WIPF2: variants seen among roughly 807,000 people sequenced by gnomAD.
WIPF2 encodes WAS/WASL interacting protein family member 2.
WIPF2 carries 23 observed loss-of-function variants against 38.8 expected under a neutral mutation model. That is an observed-to-expected ratio of 0.59 (90% CI 0.43 to 0.84). The LOEUF (loss-of-function observed/expected upper bound fraction) is 0.84, where lower values mean the gene tolerates loss of function less well. Ranked by LOEUF, WIPF2 falls within the 40% of genes least tolerant of loss-of-function variation. The pLI, the probability that WIPF2 is intolerant of heterozygous loss-of-function variation, is 0.00. For synonymous variants in WIPF2, 210 were observed against 223.2 expected, an observed-to-expected ratio of 0.94 and a Z score of 0.53; for missense variants, 574 against 580.5, an observed-to-expected ratio of 0.99 and a Z score of 0.11.
At chr17:40,233,604 A>G (rs2030838289) in intron 1 of WIPF2, among the ~76,000 whole-genome samples, 1 of 151,950 alleles carries the variant, frequency 6.6e-6, no homozygotes, top group African/African-American at 2.4e-5. Context: ...GCACCGCTGC[A>G]CCTGGCTATA....
chr17:40,237,434 T>A (rs933300946), intron 1 of WIPF2, among the ~76,000 whole-genome samples: 1 of 151,644 alleles, frequency 6.6e-6, no homozygotes, highest in African/African-American at 2.4e-5. Flanking sequence ...AGAGACAGAG[T>A]CTTACCATGT....
intron 1 of WIPF2, chr17:40,220,377 A>G (rs1423001895): frequency 2.6e-5 from 4 of 151,432 alleles, no homozygotes; most frequent in Admixed American, 6.6e-5. Context: ...AGGAACTGAT[A>G]TGTGATGGAA....
Position 40,278,188 on chromosome 17 carries a change from C to T in WIPF2, c.1286C>T (p.Ala429Val), listed in dbSNP as rs372261023. Residue 429 changes from alanine (A) to valine (V), a missense_variant, in exon 8 of 8, where the codon GCC (alanine) becomes GTC (valine). Ala to Val is a moderately conservative substitution (Grantham distance 64). Transcript: ENST00000323571. ...RIYPSKTNRA[A>V]RGAPPLPPIL... ...TCTTTATTTTGTTTTTTTTCAGCTG[C>T]CCGTGGAGCCCCACCTCTGCCACCC... The T allele has an allele frequency of 2.5e-6, 4 of 1,613,126 alleles. No homozygotes were observed. The highest frequency in any genetic ancestry group is 1.3e-5 in the African/African-American group (1 of 74,840).
At position 40,232,876 on chromosome 17, in the gene WIPF2, C is replaced by T. The variant is rs1004076060; in HGVS notation, c.-70+13384C>T. ...TGGTCTTGAACTCCCGACCTCAGGT[C>T]GTCTGCCCGCCTCGGCCTCCCAAAG... is the stretch of plus-strand genomic sequence containing the variant. On this transcript the variant is annotated intron_variant, in intron 1 of 7. Transcript: ENST00000323571. 1.6e-4 allele frequency among the ~76,000 whole-genome samples: 24 copies of T among 149,666 alleles called. No homozygotes were observed. The East Asian group carries it at 2.2e-3, about 14-fold the overall frequency.
chr17:40,266,511 A>AAAGT (rs2032092600), intron 5 of WIPF2, among the ~76,000 whole-genome samples: 1 of 152,152 alleles, frequency 6.6e-6, no homozygotes, highest in African/African-American at 2.4e-5. Context: ...GTGGAGGGTG[A>AAAGT]AAGTGAAAGC....
At chr17:40,265,848 C>T (rs963461300) in intron 5 of WIPF2, among the ~76,000 whole-genome samples, 21 of 152,010 alleles carry the variant, frequency 1.4e-4, no homozygotes, top group African/African-American at 4.4e-4. Flanking sequence ...GAGAACAGAC[C>T]GCAGGAGGAC....
chr17:40,220,489 G>A (rs2030131009), intron 1 of WIPF2: 1 of 147,412 alleles, frequency 6.8e-6, no homozygotes, highest in African/African-American at 2.5e-5. Context: ...TCGACCTCCC[G>A]GGCTGAAGTG....
intron 1 of WIPF2, among the ~76,000 whole-genome samples, chr17:40,233,902 A>T (rs2030849633): frequency 6.6e-6 from 1 of 152,170 alleles, no homozygotes. Flanking sequence ...TATCTCTACT[A>T]AAAATACAAA....
At chr17:40,222,573 ATG>A (rs1009655826) in intron 1 of WIPF2, among the ~76,000 whole-genome samples, 4 of 139,962 alleles carry the variant, frequency 2.9e-5, no homozygotes, top group Non-Finnish European at 6.0e-5. Context: ...AGCCTTGCTC[ATG>A]TGTGTGTGTG....
At chr17:40,236,581 C>T (rs2030977575) in intron 1 of WIPF2, among the ~76,000 whole-genome samples, 1 of 147,942 alleles carries the variant, frequency 6.8e-6, no homozygotes, top group East Asian at 2.0e-4. Flanking sequence ...GCTGGGATTA[C>T]AGGCATGAGC....
chr17:40,263,554 C>CT lies in WIPF2; in HGVS notation c.313+913_313+914insT, dbSNP rs1439336864. Among the ~76,000 whole-genome samples the CT allele has an allele frequency of 2.1e-5, 3 of 144,440 alleles. No homozygotes were observed. The East Asian group carries it at 6.1e-4, about 29-fold the overall frequency. The allele number at this position is 144,440 out of a possible 152,430, so 94.8% of individuals were successfully genotyped here. ...TTTATTTTATTTATTCGTCCCCCCC[C>CT]CCCCCGCAAATGGAGTCTTGCTCTG... On this transcript the variant is annotated intron_variant, in intron 4 of 7. Transcript: ENST00000323571.
At chr17:40,271,759 G>C (rs1234907427) in intron 5 of WIPF2, among the ~76,000 whole-genome samples, 1 of 152,148 alleles carries the variant, frequency 6.6e-6, no homozygotes, top group Non-Finnish European at 1.5e-5. Flanking sequence ...GTGGCTATAA[G>C]ACTTTTTAAA....
intron 1 of WIPF2, among the ~76,000 whole-genome samples, chr17:40,239,046 T>TTTTACTTA (rs1555560746): frequency 4.3e-5 from 6 of 138,762 alleles, no homozygotes; most frequent in Non-Finnish European, 7.7e-5. Context: ...GTTTATTTTA[T>TTTTACTTA]TTTATTTATT....
In WIPF2 at chr17:40,278,342, C is replaced by G. The variant is rs998016631; in HGVS notation, c.*117C>G. 4 of 1,245,656 alleles carry G rather than the reference C, an allele frequency of 3.2e-6. No homozygotes were observed. The African/African-American group carries it at 6.0e-5, about 19-fold the overall frequency. 77.2% of individuals were successfully genotyped at this position (1,245,656 alleles called of 1,614,324 possible). A position where few individuals can be genotyped will look rare whatever the true frequency, so the allele number is the denominator to read the frequency against. On this transcript the variant is annotated 3_prime_UTR_variant, in exon 8 of 8. Transcript: ENST00000323571. ...TCCTAACATGTTTCTCCAATGCAAT[C>G]AAGCCCTAGACTCCAAATGTCCTCC...
chr17:40,277,680 C>CA (rs1224716638), intron 7 of WIPF2, among the ~76,000 whole-genome samples: 23 of 124,472 alleles, frequency 1.8e-4, no homozygotes, highest in South Asian at 1.8e-3. Context: ...GACTCCGTCT[C>CA]AAAAAAAAAG....
chr17:40,277,218 T>C (rs749839183), intron 7 of WIPF2, 34 bp downstream of exon 7: 1 of 1,532,354 alleles, frequency 6.5e-7, no homozygotes, highest in Non-Finnish European at 9.0e-7. Context: ...TTTCCATAAT[T>C]GCATAGAATG....
intron 5 of WIPF2, among the ~76,000 whole-genome samples, chr17:40,273,226 A>G (rs9891694): frequency 0.15 from 22,154 of 151,900 alleles, 1,698 homozygotes; most frequent in East Asian, 0.3. Context: ...GTAGAGATGG[A>G]GTTTCATCAT....
intron 5 of WIPF2, 89 bp from the exon 6 acceptor site, chr17:40,273,701 G>A (rs769045514): frequency 2.3e-5 from 19 of 813,780 alleles, no homozygotes; most frequent in African/African-American, 1.7e-5. Context: ...TCTGTGGGGT[G>A]TGTTACTCTT....
chr17:40,231,095 C>G (rs920682114), intron 1 of WIPF2, among the ~76,000 whole-genome samples: 1 of 152,160 alleles, frequency 6.6e-6, no homozygotes, highest in East Asian at 1.9e-4. Flanking sequence ...CTTGACTTAG[C>G]AGCCCATCAC....
Sources: gnomAD v4.1 joint callset for allele counts (sites outside exome capture counted in the v4.1 genomes callset) on GRCh38, gnomAD v4.1.1 for gene constraint, MANE v1.5 for transcripts, NCBI Gene and HGNC (gene_info 2026-07-23, HGNC 2026-07-21) for gene names.